TARBP1: variants seen among roughly 807,000 people sequenced by gnomAD.
TARBP1 encodes tRNA (guanosine(18)-2'-O)-methyltransferase TARBP1.
Under a neutral mutation model 178.6 loss-of-function variants are expected in TARBP1, and 144 were observed. That is an observed-to-expected ratio of 0.81 (90% CI 0.70 to 0.93). The LOEUF is 0.93. TARBP1 is among the 40% of genes least tolerant of loss of function. The pLI, the probability that TARBP1 is intolerant of heterozygous loss-of-function variation, is 0.00. For missense variants in TARBP1, 2,067 were observed against 2,011.7 expected (o/e 1.03, Z -0.53); for synonymous variants, 787 against 781.0 (o/e 1.01, Z -0.13).
At chr1:234,432,649 A>T (rs750552356) in intron 14 of TARBP1, among the ~76,000 whole-genome samples, 6 of 152,080 alleles carry the variant, frequency 3.9e-5, no homozygotes, top group Non-Finnish European at 5.9e-5. Context: ...GCTGGAGGAG[A>T]GGGCACTCAT....
intron 13 of TARBP1, among the ~76,000 whole-genome samples, chr1:234,435,223 G>A (rs1190578850): frequency 6.6e-6 from 1 of 152,222 alleles, no homozygotes; most frequent in African/African-American, 2.4e-5. Flanking sequence ...GTCAAGGCAG[G>A]CAGATCACCT....
intron 12 of TARBP1, among the ~76,000 whole-genome samples, chr1:234,438,653 A>G (rs1047290387): frequency 1.6e-4 from 25 of 152,340 alleles, no homozygotes; most frequent in African/African-American, 5.8e-4. Flanking sequence ...GATAATAACA[A>G]CGATCTTATT....
chr1:234,406,178 C>T lies in TARBP1; in HGVS notation c.3793-79G>A, dbSNP rs1661220845. 4 of 1,311,432 alleles carry T rather than the reference C, an allele frequency of 3.1e-6. No individual in the cohort carries two copies. The South Asian group carries it at 4.1e-5, about 13-fold the overall frequency. The allele number at this position is 1,311,432 out of a possible 1,614,324, so 81.2% of individuals were successfully genotyped here. A position where few individuals can be genotyped will look rare whatever the true frequency, so the allele number is the denominator to read the frequency against. On this transcript the variant is annotated intron_variant, in intron 23 of 29. Transcript: ENST00000040877. Reference sequence around the variant, plus strand: ...TCACTTGTATGACACAAAAAAAGTACACGAATGATACAACTGCTCCTAGTA... The same window carrying T: ...TCACTTGTATGACACAAAAAAAGTATACGAATGATACAACTGCTCCTAGTA...
At chr1:234,437,950 G>A (rs754450759) in intron 12 of TARBP1, among the ~76,000 whole-genome samples, 1 of 152,220 alleles carries the variant, frequency 6.6e-6, no homozygotes, top group Non-Finnish European at 1.5e-5. Flanking sequence ...GCACGGATCT[G>A]ATGCTAATCA....
chr1:234,427,041 G>A (rs1274037851), intron 19 of TARBP1, among the ~76,000 whole-genome samples: 1 of 152,164 alleles, frequency 6.6e-6, no homozygotes, highest in Non-Finnish European at 1.5e-5. Context: ...AAGAAAGACA[G>A]GGGCTTTAAG....
At chr1:234,424,879 T>C (rs1663530794) in intron 20 of TARBP1, among the ~76,000 whole-genome samples, 1 of 151,918 alleles carries the variant, frequency 6.6e-6, no homozygotes, top group Admixed American at 6.6e-5. Flanking sequence ...CTGACCAACA[T>C]GGAGAAACCC....
At chr1:234,423,186 A>G (rs1317938377) in intron 20 of TARBP1, among the ~76,000 whole-genome samples, 2 of 152,200 alleles carry the variant, frequency 1.3e-5, no homozygotes, top group East Asian at 3.8e-4. Flanking sequence ...CTGTATTCCC[A>G]TTAGTGATGC....
intron 12 of TARBP1, among the ~76,000 whole-genome samples, chr1:234,440,842 C>T (rs149435095): frequency 2.7e-4 from 41 of 152,192 alleles, no homozygotes; most frequent in East Asian, 1.4e-3. Flanking sequence ...AAGATCTATA[C>T]GCTGAAAACT....
chr1:234,418,819 G>A (rs1431901018), intron 21 of TARBP1, among the ~76,000 whole-genome samples: 1 of 152,148 alleles, frequency 6.6e-6, no homozygotes, highest in Non-Finnish European at 1.5e-5. Flanking sequence ...TTCTATCGGG[G>A]GACGGAACCT....
At chr1:234,478,136 T>C (rs770538713) in intron 1 of TARBP1, 37 bp downstream of exon 1, 11 of 1,593,654 alleles carry the variant, frequency 6.9e-6, no homozygotes, top group Middle Eastern at 1.7e-4. Flanking sequence ...GGCAGCCAAG[T>C]AGGTAGCACT....
chr1:234,448,526 T>A lies in TARBP1; in HGVS notation c.1915A>T (p.Met639Leu). The A allele has an allele frequency of 1.2e-6, 2 of 1,614,050 alleles. No individual in the cohort carries two copies. Among genetic ancestry groups the A allele is most frequent in the Non-Finnish European group, 1.7e-6 (2 of 1,180,012 alleles). Residue 639 changes from methionine to leucine, a missense_variant, in exon 11 of 30, where the codon ATG becomes TTG. Physicochemically the swap from Met to Leu is conservative, Grantham distance 15. Coordinates refer to ENST00000040877, the MANE Select transcript of TARBP1 (RefSeq NM_005646.4). Reference protein sequence around the residue: ...DWFEAKLVSLMVLLAVDVEGM... With the variant: ...DWFEAKLVSLLVLLAVDVEGM... Reference sequence around the variant, plus strand: ...TCCACATCCACAGCCAGCAAGACCATCAGAGAAACAAGCTTGGCTTCAAAC... The same window carrying A: ...TCCACATCCACAGCCAGCAAGACCAACAGAGAAACAAGCTTGGCTTCAAAC...
At chr1:234,445,560 T>C (rs1666065908) in intron 12 of TARBP1, among the ~76,000 whole-genome samples, 1 of 152,178 alleles carries the variant, frequency 6.6e-6, no homozygotes, top group Non-Finnish European at 1.5e-5. Flanking sequence ...CCCAAACTCA[T>C]CAAGTTGCAT....
rs201642288 is a variant in TARBP1 at position 234,431,345 on chromosome 1, C to T, written c.2395-1044G>A. On this transcript the variant is annotated intron_variant, in intron 14 of 29. Transcript: ENST00000040877. ...AATTCAGTGAATTACTAAAGGAAGCCGATTTTTAAGAATAAGAGTTACTGT... is the reference window on the plus strand; with the variant it reads ...AATTCAGTGAATTACTAAAGGAAGCTGATTTTTAAGAATAAGAGTTACTGT... 2.4e-4 allele frequency among the ~76,000 whole-genome samples: 37 copies of T among 152,150 alleles called. No individual in the cohort carries two copies. In the East Asian group the frequency reaches 5.6e-3, roughly 23 times the overall value.
intron 22 of TARBP1, among the ~76,000 whole-genome samples, chr1:234,412,783 G>A (rs1345149977): frequency 6.6e-6 from 1 of 152,226 alleles, no homozygotes; most frequent in East Asian, 1.9e-4. Context: ...AAGGACTGGT[G>A]ATAAGCAGGA....
chr1:234,418,176 CTTGA>C lies in TARBP1; in HGVS notation c.3609_3612del (p.Asn1203LysfsTer4). The C allele has an allele frequency of 6.4e-7, 1 of 1,551,178 alleles. No homozygotes were observed. Among genetic ancestry groups the C allele is most frequent in the Non-Finnish European group, 8.6e-7 (1 of 1,160,014 alleles). On this transcript the variant is annotated frameshift_variant, in exon 22 of 30. Coordinates refer to ENST00000040877, the MANE Select transcript of TARBP1 (RefSeq NM_005646.4). LOFTEE classifies it high-confidence loss of function. ...CATTCTATAAAATATTTTATGGATG[CTTGA>C]TTGTTGGTGAAACCAGCCTGGAAAA...
chr1:234,400,382 A>T (rs1458415396), intron 25 of TARBP1: 1 of 152,242 alleles, frequency 6.6e-6, no homozygotes, highest in Non-Finnish European at 1.5e-5. Context: ...TGATATTTGC[A>T]GTGAAGCAGC....
At chr1:234,444,973 C>T (rs754067928) in intron 12 of TARBP1, among the ~76,000 whole-genome samples, 1 of 152,180 alleles carries the variant, frequency 6.6e-6, no homozygotes, top group Non-Finnish European at 1.5e-5. Flanking sequence ...TTCCTCACCA[C>T]CAACGGCCCC....
chr1:234,467,722 A>G, intron 3 of TARBP1, 72 bp from the exon 4 acceptor site: 1 of 1,367,438 alleles, frequency 7.3e-7, no homozygotes, highest in South Asian at 1.6e-5. Context: ...CATACTCATA[A>G]ATAATGTACA....
At chr1:234,471,056 T>A in intron 3 of TARBP1, 132 bp downstream of exon 3, 1 of 680,376 alleles carries the variant, frequency 1.5e-6, no homozygotes, top group Non-Finnish European at 2.5e-6. Context: ...GTGGCAGCAT[T>A]ACAAGATGAT....
Sources: gnomAD v4.1 joint callset for allele counts (sites outside exome capture counted in the v4.1 genomes callset) on GRCh38, gnomAD v4.1.1 for gene constraint, MANE v1.5 for transcripts, NCBI Gene and HGNC (gene_info 2026-07-23, HGNC 2026-07-21) for gene names.